Variants in PTGES3L observed in about 807,000 individuals in gnomAD.
PTGES3L encodes the protein prostaglandin E synthase 3 like, also known as putative protein PTGES3L.
A neutral mutation model predicts 25.0 loss-of-function variants in PTGES3L; 17 were observed. The observed-to-expected ratio is 0.68, with a 90% CI of 0.47 to 1.02. The LOEUF (loss-of-function observed/expected upper bound fraction) is 1.02, where lower values mean the gene tolerates loss of function less well. PTGES3L is among the 50% of genes least tolerant of loss of function. The pLI, the probability that PTGES3L is intolerant of heterozygous loss-of-function variation, is 0.00. For missense variants in PTGES3L, 202 were observed against 197.5 expected (o/e 1.02, Z -0.14); for synonymous variants, 59 against 65.7 (o/e 0.90, Z 0.50).
chr17:42,968,423 T>C lies in PTGES3L; in HGVS notation c.*725A>G, dbSNP rs1218801954. ...GTGCACATCTGTAGTCCCATCTACT[T>C]GGGAGGCTGAGGCAGGAGAATTGCT... is the stretch of plus-strand genomic sequence containing the variant. On this transcript the variant is annotated 3_prime_UTR_variant, in exon 7 of 7. Transcript: ENST00000591916. 6.6e-6 allele frequency: 1 copy of C among 151,558 alleles called. No individual in the cohort carries two copies. Among genetic ancestry groups the C allele is most frequent in the African/African-American group, 2.4e-5 (1 of 41,180 alleles). The allele number at this position is 151,558 out of a possible 1,614,324, so 9.4% of individuals were successfully genotyped here.
At chr17:42,979,040 A>G in intron 4 of PTGES3L, 130 bp downstream of exon 4, 1 of 917,430 alleles carries the variant, frequency 1.1e-6, no homozygotes, top group Non-Finnish European at 1.7e-6. Context: ...AGAGACTAAT[A>G]CAGTTGGAAA....
Position 42,969,142 on chromosome 17 carries a change from A to G in PTGES3L, c.*6T>C. ...AGCTGCCTTCCCAGCTTTGCGTCAC[A>G]GAAAGTTAATTACTTGTTGCATCAT... On this transcript the variant is annotated 3_prime_UTR_variant, in exon 7 of 7. Transcript: ENST00000591916. 1 of 1,531,430 alleles carries G rather than the reference A, an allele frequency of 6.5e-7. No homozygotes were observed. The highest frequency in any genetic ancestry group is 1.2e-5 in the South Asian group (1 of 83,690). 94.9% of individuals were successfully genotyped at this position (1,531,430 alleles called of 1,614,324 possible).
rs1226118036 is a variant in PTGES3L at position 42,979,574 on chromosome 17, A to G, written c.98T>C (p.Ile33Thr). 1.9e-6 allele frequency: 3 copies of G among 1,614,156 alleles called. No homozygotes were observed. Among genetic ancestry groups the G allele is most frequent in the African/African-American group, 2.7e-5 (2 of 75,040 alleles). Reference protein sequence around the residue: ...VEDSTDVHVLIEDHRIVFSCK... With the variant: ...VEDSTDVHVLTEDHRIVFSCK... ...CCTGAACACAATGCGGTGATCCTCA[A>G]TAAGCACGTGGACATCGGTGCTGTC... Residue 33 changes from isoleucine (I) to threonine (T), a missense_variant, in exon 2 of 7, where the codon ATT (isoleucine) becomes ACT (threonine). By Grantham distance (89) the Ile-to-Thr change is moderately conservative. Transcript: ENST00000591916.
intron 5 of PTGES3L, 68 bp from the exon 6 acceptor site, chr17:42,970,410 T>C (rs2049811740): frequency 6.3e-7 from 1 of 1,587,548 alleles, no homozygotes; most frequent in Non-Finnish European, 8.6e-7. Context: ...ACATTGATGG[T>C]CCATAGAAGA....
intron 4 of PTGES3L, among the ~76,000 whole-genome samples, chr17:42,977,151 T>C (rs1425236415): frequency 6.6e-6 from 1 of 151,650 alleles, no homozygotes; most frequent in Non-Finnish European, 1.5e-5. Flanking sequence ...AATTACCAGG[T>C]GCGGTGGCTT....
chr17:42,973,285 G>A lies in PTGES3L; in HGVS notation c.289-1589C>T, dbSNP rs1455980677. ...CCCGGCCAGCCGCCCCGTCCGGGAG[G>A]TGAGGGGCGCCTCTGCCCGGCGGCC... On this transcript the variant is annotated intron_variant, in intron 4 of 6. Transcript: ENST00000591916. Among the ~76,000 whole-genome samples the A allele has an allele frequency of 3.7e-5, 5 of 135,842 alleles. No individual in the cohort carries two copies. The Admixed American group carries it at 3.7e-4, about 10-fold the overall frequency. The allele number at this position is 135,842 out of a possible 152,430, so 89.1% of individuals were successfully genotyped here.
chr17:42,969,234 G>T, intron 6 of PTGES3L, 48 bp from the exon 7 acceptor site: 1 of 1,042,876 alleles, frequency 9.6e-7, no homozygotes, highest in Non-Finnish European at 1.4e-6. Flanking sequence ...ACCCTGCAAA[G>T]CAGGAACATT....
At chr17:42,978,752 G>A (rs1415257838) in intron 4 of PTGES3L, among the ~76,000 whole-genome samples, 3 of 152,164 alleles carry the variant, frequency 2.0e-5, no homozygotes, top group African/African-American at 7.2e-5. Flanking sequence ...TGTAATCCCA[G>A]CACTTTGGGA....
At chr17:42,978,872 T>C (rs1278967975) in intron 4 of PTGES3L, among the ~76,000 whole-genome samples, 1 of 151,604 alleles carries the variant, frequency 6.6e-6, no homozygotes, top group African/African-American at 2.4e-5. Context: ...TGGTGGTGCA[T>C]GCCTGTAATC....
chr17:42,969,599 G>A (rs2151946701), intron 6 of PTGES3L, among the ~76,000 whole-genome samples: 1 of 151,138 alleles, frequency 6.6e-6, no homozygotes, highest in South Asian at 2.1e-4. Context: ...ACAGGGTTTT[G>A]CCCTGTTGCC....
intron 5 of PTGES3L, among the ~76,000 whole-genome samples, chr17:42,971,163 G>C (rs1230852927): frequency 6.6e-6 from 1 of 151,986 alleles, no homozygotes. Flanking sequence ...ATCCAGAAGT[G>C]GTGGTGGGCA....
At chr17:42,976,889 T>C (rs1014060369) in intron 4 of PTGES3L, among the ~76,000 whole-genome samples, 6 of 152,136 alleles carry the variant, frequency 3.9e-5, no homozygotes, top group African/African-American at 1.4e-4. Flanking sequence ...TGCAACAAAC[T>C]TCTCACTGTA....
At chr17:42,971,520 C>T in intron 5 of PTGES3L, 87 bp downstream of exon 5, 1 of 1,464,390 alleles carries the variant, frequency 6.8e-7, no homozygotes, top group Non-Finnish European at 9.5e-7. Context: ...CTCTGCTTGG[C>T]CCCAGTGACA....
chr17:42,970,332 T>G lies in PTGES3L; in HGVS notation c.389A>C (p.Lys130Thr). ...HVEHYAELLK[K>T]VSTKRPPPAM... ...AGGTGGAGGTCTCTTGGTGCTGACC[T>G]TCTTCAAAAGCTAGTGGGAAGAAAA... Residue 130 changes from lysine to threonine, a missense_variant, in exon 6 of 7, where the codon AAG (lysine) becomes ACG (threonine). Physicochemically the swap from Lys to Thr is moderately conservative, Grantham distance 78 (BLOSUM62 -1). Coordinates refer to ENST00000591916, the MANE Select transcript of PTGES3L (RefSeq NM_001261430.2). 6.2e-7 allele frequency: 1 copy of G among 1,613,408 alleles called. No individual in the cohort carries two copies. The highest frequency in any genetic ancestry group is 1.6e-4 in the Middle Eastern group (1 of 6,062).
chr17:42,971,722 C>T (rs199839683), intron 4 of PTGES3L, 26 bp from the exon 5 acceptor site: 1 of 1,613,368 alleles, frequency 6.2e-7, no homozygotes, highest in Admixed American at 1.7e-5. Context: ...CCAAGAGTCA[C>T]AGGCCAGGAG....
chr17:42,971,517 T>G (rs1364746846), intron 5 of PTGES3L, 90 bp downstream of exon 5: 1 of 1,433,796 alleles, frequency 7.0e-7, no homozygotes, highest in Non-Finnish European at 9.7e-7. Flanking sequence ...TATCTCTGCT[T>G]GGCCCCAGTG....
In PTGES3L at chr17:42,979,447, G is replaced by A. The variant is rs764554500; in HGVS notation, c.123-3C>T. On this transcript the variant is annotated splice_region_variant and splice_polypyrimidine_tract_variant and intron_variant, in intron 2 of 6. Coordinates refer to ENST00000591916, the MANE Select transcript of PTGES3L (RefSeq NM_001261430.2). ...CCACTCCATCGGCATTCTTGCAGCT[G>A]AGGAGACAATGAAGCTGAGGAGATG... 24 of 1,614,082 alleles carry A rather than the reference G, an allele frequency of 1.5e-5. No homozygotes were observed. Among genetic ancestry groups the A allele is most frequent in the Admixed American group, 3.3e-5 (2 of 59,998 alleles).
At chr17:42,975,611 C>T (rs924452398) in intron 4 of PTGES3L, among the ~76,000 whole-genome samples, 8 of 152,102 alleles carry the variant, frequency 5.3e-5, no homozygotes, top group Admixed American at 2.6e-4. Flanking sequence ...GTACATGATC[C>T]ACTGAAAACT....
chr17:42,979,991 C>T, intron 1 of PTGES3L, 55 bp downstream of exon 1: 3 of 1,514,748 alleles, frequency 2.0e-6, no homozygotes, highest in Non-Finnish European at 2.7e-6. Flanking sequence ...AGACTTGGAG[C>T]AGGGAATCTC....
Sources: gnomAD v4.1 joint callset for allele counts (sites outside exome capture counted in the v4.1 genomes callset) on GRCh38, gnomAD v4.1.1 for gene constraint, MANE v1.5 for transcripts, NCBI Gene and HGNC (gene_info 2026-07-23, HGNC 2026-07-21) for gene names.